Variants in PDZRN4 observed in about 807,000 individuals in gnomAD.
The protein encoded by PDZRN4 is PDZ domain-containing RING finger protein 4.
Under a neutral mutation model 99.0 loss-of-function variants are expected in PDZRN4, and 70 were observed. That is an observed-to-expected ratio of 0.71 (90% CI 0.58 to 0.86). The LOEUF is 0.86. Among genes scored for constraint, PDZRN4 ranks in the 40% least tolerant of loss-of-function variants. The pLI is 0.00. For missense variants in PDZRN4, 1,474 were observed against 1,331.2 expected (o/e 1.11, Z -1.67); for synonymous variants, 551 against 501.6 (o/e 1.10, Z -1.32).
At chr12:41,357,431 C>T (rs1951935595) in intron 3 of PDZRN4, among the ~76,000 whole-genome samples, 1 of 151,938 alleles carries the variant, frequency 6.6e-6, no homozygotes, top group African/African-American at 2.4e-5. Context: ...ATTCTCTTCA[C>T]CAGTATGGTA....
At chr12:41,330,490 TA>T (rs201298001) in intron 3 of PDZRN4, among the ~76,000 whole-genome samples, 51,966 of 139,298 alleles carry the variant, frequency 0.37, 9,366 homozygotes, top group Middle Eastern at 0.44. Context: ...TCTAATATGG[TA>T]AAAAAAAAAA....
chr12:41,394,450 T>C (rs1036298242), intron 3 of PDZRN4, among the ~76,000 whole-genome samples: 1 of 152,166 alleles, frequency 6.6e-6, no homozygotes, highest in Non-Finnish European at 1.5e-5. Flanking sequence ...GTGCATTAAG[T>C]TTCAATTATT....
In PDZRN4 at chr12:41,215,888, C is replaced by T. The variant is rs756610616; in HGVS notation, c.843+21700C>T. 9.9e-5 allele frequency among the ~76,000 whole-genome samples: 15 copies of T among 151,420 alleles called. No homozygotes were observed. The South Asian group carries it at 2.1e-3, about 21-fold the overall frequency. ...AATCTGTCATTGAATTTAATTTGCTCTCCTAAATCTCAGGATAGTACGAGG... is the reference window on the plus strand; with the variant it reads ...AATCTGTCATTGAATTTAATTTGCTTTCCTAAATCTCAGGATAGTACGAGG... On this transcript the variant is annotated intron_variant, in intron 3 of 9. Transcript: ENST00000402685.
intron 9 of PDZRN4, 36 bp downstream of exon 9, chr12:41,567,935 G>A: frequency 8.2e-7 from 1 of 1,215,224 alleles, no homozygotes; most frequent in South Asian, 1.4e-5. Flanking sequence ...CATTTGATAT[G>A]TTGCTTGTTC....
rs925785625 is a variant in PDZRN4 at position 41,521,364 on chromosome 12, C to A, written c.1203+11451C>A. On this transcript the variant is annotated intron_variant, in intron 5 of 9. Transcript: ENST00000402685. ...TAGGAATGAAGGATTCTATAAGAAG[C>A]AGTTACCAAATAGGAATTTGCTGTA... Among the ~76,000 whole-genome samples, 38 of 151,952 alleles carry A rather than the reference C, an allele frequency of 2.5e-4. 1 individual carries two copies. The highest frequency in any genetic ancestry group is 8.2e-4 in the African/African-American group (34 of 41,450).
intron 3 of PDZRN4, among the ~76,000 whole-genome samples, chr12:41,244,667 CTTTTTTTTT>C (rs750126673): frequency 8.8e-6 from 1 of 112,998 alleles, no homozygotes; most frequent in African/African-American, 3.5e-5. Context: ...ACACCAATGT[CTTTTTTTTT>C]TTTTTTTTTT....
chr12:41,572,159 G>A (rs1267280204), intron 9 of PDZRN4, among the ~76,000 whole-genome samples: 4 of 152,024 alleles, frequency 2.6e-5, no homozygotes, highest in Non-Finnish European at 5.9e-5. Context: ...TATTCAAGCG[G>A]GTTTTGTTTT....
intron 5 of PDZRN4, among the ~76,000 whole-genome samples, chr12:41,512,343 A>AAAAT (rs1279779523): frequency 6.6e-6 from 1 of 152,090 alleles, no homozygotes; most frequent in African/African-American, 2.4e-5. Flanking sequence ...GTACTAATGG[A>AAAAT]AAATAATAAG....
intron 3 of PDZRN4, among the ~76,000 whole-genome samples, chr12:41,408,943 T>A (rs1332542454): frequency 6.6e-6 from 1 of 152,040 alleles, no homozygotes; most frequent in Non-Finnish European, 1.5e-5. Context: ...AAATGAAAAC[T>A]TCTGTTCTTT....
intron 3 of PDZRN4, among the ~76,000 whole-genome samples, chr12:41,416,938 A>T (rs577992295): frequency 3.3e-5 from 5 of 152,288 alleles, no homozygotes; most frequent in Non-Finnish European, 5.9e-5. Flanking sequence ...ATATGCCTTT[A>T]TGTTTAAATT....
rs139473183 is a variant in PDZRN4, at chr12:41,559,962, T to C, written c.1366-3586T>C. 4.3e-3 allele frequency among the ~76,000 whole-genome samples: 661 copies of C among 152,294 alleles called. 1 individual carries two copies. The highest frequency in any genetic ancestry group is 6.8e-3 in the Middle Eastern group (2 of 294). Reference sequence around the variant, plus strand: ...CCTTCTTCCATGATTGTAAGTTTCCTAAGGCCTCCCCAGTCATGCAGAACT... The same window carrying C: ...CCTTCTTCCATGATTGTAAGTTTCCCAAGGCCTCCCCAGTCATGCAGAACT... On this transcript the variant is annotated intron_variant, in intron 7 of 9. Transcript: ENST00000402685.
intron 3 of PDZRN4, among the ~76,000 whole-genome samples, chr12:41,278,795 C>G (rs745752336): frequency 6.6e-6 from 1 of 152,176 alleles, no homozygotes; most frequent in Non-Finnish European, 1.5e-5. Context: ...ATCCTTTGAA[C>G]TTTCTAATTT....
chr12:41,572,956 A>G lies in PDZRN4; in HGVS notation c.2177A>G (p.Glu726Gly). ...MQRGKLDDIM[E>G]HPEKSDKDSS... is the part of the protein sequence containing the mutation. ...AGGGGAAAGCTAGATGACATCATGG[A>G]GCATCCAGAAAAGTCTGACAAGGAC... The change falls in exon 10 of 10, where the codon GAG becomes GGG. Residue 726 changes from glutamate to glycine, a missense_variant. By Grantham distance (98) the Glu-to-Gly change is moderately conservative. Transcript: ENST00000402685. 2.5e-6 allele frequency: 4 copies of G among 1,614,152 alleles called. No individual in the cohort carries two copies. Among genetic ancestry groups the G allele is most frequent in the South Asian group, 2.2e-5 (2 of 91,086 alleles).
At chr12:41,236,265 G>C (rs1951065998) in intron 3 of PDZRN4, among the ~76,000 whole-genome samples, 1 of 152,070 alleles carries the variant, frequency 6.6e-6, no homozygotes, top group Non-Finnish European at 1.5e-5. Flanking sequence ...TCTTTGCAGG[G>C]ATCAAAGATC....
At chr12:41,544,224 G>A (rs932210699) in intron 5 of PDZRN4, among the ~76,000 whole-genome samples, 5 of 152,214 alleles carry the variant, frequency 3.3e-5, no homozygotes, top group African/African-American at 1.2e-4. Context: ...TTCTTAGAAT[G>A]AGTAACTTCA....
chr12:41,345,133 T>C (rs1041816115), intron 3 of PDZRN4, among the ~76,000 whole-genome samples: 7 of 152,156 alleles, frequency 4.6e-5, no homozygotes, highest in Non-Finnish European at 1.0e-4. Flanking sequence ...GGGAGTTGCA[T>C]TAAAATAAAA....
chr12:41,379,032 A>G (rs1233294726), intron 3 of PDZRN4, among the ~76,000 whole-genome samples: 2 of 152,094 alleles, frequency 1.3e-5, no homozygotes, highest in Non-Finnish European at 2.9e-5. Flanking sequence ...GAGGCTGTTG[A>G]TTACCAATTA....
rs1425295409 is a variant in PDZRN4, at chr12:41,188,434, C to T, written c.-22C>T. 1.3e-6 allele frequency: 2 copies of T among 1,554,302 alleles called. No homozygotes were observed. Among genetic ancestry groups the T allele is most frequent in the Non-Finnish European group, 1.7e-6 (2 of 1,156,762 alleles). ...AGAAGACGGACTCTGCTTTCGCTCCCCCTTTCTTCCCCATCCCTAACATGG... is the reference window on the plus strand; with the variant it reads ...AGAAGACGGACTCTGCTTTCGCTCCTCCTTTCTTCCCCATCCCTAACATGG... On this transcript the variant is annotated 5_prime_UTR_variant, in exon 1 of 10. Coordinates refer to ENST00000402685, the MANE Select transcript of PDZRN4 (RefSeq NM_001164595.2).
chr12:41,397,780 T>G (rs1952260254), intron 3 of PDZRN4, among the ~76,000 whole-genome samples: 1 of 152,196 alleles, frequency 6.6e-6, no homozygotes, highest in East Asian at 1.9e-4. Context: ...GAAGAACTAA[T>G]AATACTTTTA....
Sources: allele counts gnomAD v4.1 joint callset (sites outside exome capture counted in the v4.1 genomes callset), GRCh38; gene constraint gnomAD v4.1.1; transcripts MANE v1.5; gene names NCBI Gene and HGNC (gene_info 2026-07-23, HGNC 2026-07-21).